The following SYT14 variants were observed in gnomAD, a reference collection of about 807,000 sequenced individuals.
SYT14 encodes synaptotagmin-14.
A neutral mutation model predicts 74.2 loss-of-function variants in SYT14; 32 were observed. The ratio of observed to expected loss-of-function variants is 0.43; its 90% CI spans 0.33 to 0.58. The LOEUF (loss-of-function observed/expected upper bound fraction) is 0.58, where lower values mean the gene tolerates loss of function less well. Among genes scored for constraint, SYT14 ranks in the 20% least tolerant of loss-of-function variants. The pLI is 0.05. For synonymous variants in SYT14, 298 were observed against 337.7 expected (o/e 0.88, Z 1.29); for missense variants, 791 against 981.8 (o/e 0.81, Z 2.60).
rs1430353630 is a variant in SYT14 at position 210,101,775 on chromosome 1, AG to A, written c.2034+1315del. Among the ~76,000 whole-genome samples, 5 of 152,240 alleles carry A rather than the reference AG, an allele frequency of 3.3e-5. No homozygotes were observed. The South Asian group carries it at 6.2e-4, about 19-fold the overall frequency. On this transcript the variant is annotated intron_variant, in intron 7 of 9. Coordinates refer to ENST00000637265, the Ensembl canonical transcript of SYT14. ...CTAAACTTCTTCATTATTTGGTCTG[AG>A]TGATCACTAGTTACTCTGTGGAAAA...
chr1:209,996,501 G>A (rs764477910), intron 2 of SYT14, among the ~76,000 whole-genome samples: 7 of 152,026 alleles, frequency 4.6e-5, no homozygotes, highest in Admixed American at 1.3e-4. Flanking sequence ...GGACCAGGTG[G>A]ATTCACAGCC....
intron 7 of SYT14, among the ~76,000 whole-genome samples, chr1:210,130,353 A>G (rs1171722962): frequency 6.6e-6 from 1 of 152,210 alleles, no homozygotes; most frequent in Non-Finnish European, 1.5e-5. Context: ...AGTCATTATG[A>G]CCATGAGAAA....
chr1:210,126,438 A>G (rs2082572436), intron 7 of SYT14, among the ~76,000 whole-genome samples: 1 of 152,028 alleles, frequency 6.6e-6, no homozygotes, highest in Non-Finnish European at 1.5e-5. Context: ...ATCTGTCTCC[A>G]CAGTCTGTTC....
intron 7 of SYT14, among the ~76,000 whole-genome samples, chr1:210,114,492 A>G (rs2484033): frequency 0.77 from 115,860 of 150,966 alleles, 45,109 homozygotes; most frequent in East Asian, 0.94. Flanking sequence ...TTTATTTAAT[A>G]TTGGGAGCAG....
chr1:210,110,255 TTAAAG>T (rs1175325276), intron 7 of SYT14, among the ~76,000 whole-genome samples: 1 of 152,076 alleles, frequency 6.6e-6, no homozygotes, highest in Non-Finnish European at 1.5e-5. Context: ...ATCCCAGAAC[TTAAAG>T]TATAATAAAA....
chr1:210,038,763 A>C (rs2080723995), intron 5 of SYT14, among the ~76,000 whole-genome samples: 1 of 152,078 alleles, frequency 6.6e-6, no homozygotes, highest in Non-Finnish European at 1.5e-5. Flanking sequence ...TTGCTTATAC[A>C]GTTTCTGCTG....
chr1:209,941,915 A>C (rs978522567), intron 1 of SYT14, among the ~76,000 whole-genome samples: 3 of 152,226 alleles, frequency 2.0e-5, no homozygotes, highest in Admixed American at 6.5e-5. Flanking sequence ...CCTCCCATAT[A>C]CTTTAAATCA....
intron 5 of SYT14, among the ~76,000 whole-genome samples, chr1:210,076,897 A>T (rs968365601): frequency 6.6e-6 from 1 of 152,168 alleles, no homozygotes; most frequent in African/African-American, 2.4e-5. Flanking sequence ...AACAATGGGG[A>T]TTACAATTCA....
intron 5 of SYT14, among the ~76,000 whole-genome samples, chr1:210,048,370 G>A (rs746177525): frequency 2.6e-5 from 4 of 152,094 alleles, no homozygotes; most frequent in Non-Finnish European, 5.9e-5. Flanking sequence ...AAGGTTTATT[G>A]GACTTACAGT....
chr1:210,064,893 G>A (rs548630173), intron 5 of SYT14, among the ~76,000 whole-genome samples: 63 of 152,004 alleles, frequency 4.1e-4, no homozygotes, highest in Non-Finnish European at 6.2e-4. Flanking sequence ...AATGCATGAG[G>A]GTTCCAATTC....
chr1:210,091,289 C>T (rs2081862144), intron 5 of SYT14, among the ~76,000 whole-genome samples: 1 of 152,160 alleles, frequency 6.6e-6, no homozygotes, highest in Admixed American at 6.6e-5. Context: ...GGTGTAACAT[C>T]ATTACCAAAC....
chr1:210,055,368 A>G (rs2081075469), intron 5 of SYT14, among the ~76,000 whole-genome samples: 1 of 152,220 alleles, frequency 6.6e-6, no homozygotes, highest in Admixed American at 6.5e-5. Context: ...CTTTATGTAT[A>G]AAATTAAATA....
At chr1:210,026,994 G>A (rs1265555541) in intron 5 of SYT14, among the ~76,000 whole-genome samples, 1 of 152,012 alleles carries the variant, frequency 6.6e-6, no homozygotes, top group African/African-American at 2.4e-5. Flanking sequence ...GAATAACCCA[G>A]GAGTTAGAGG....
chr1:210,002,924 G>C (rs946536666), intron 2 of SYT14, among the ~76,000 whole-genome samples: 2 of 151,982 alleles, frequency 1.3e-5, no homozygotes, highest in Non-Finnish European at 2.9e-5. Flanking sequence ...TTGATGATCA[G>C]AAATTTTAAA....
chr1:210,160,962 G>T lies in SYT14; in HGVS notation c.2515G>T (p.Glu839Ter). 6.2e-7 allele frequency: 1 copy of T among 1,614,016 alleles called. No homozygotes were observed. The highest frequency in any genetic ancestry group is 8.5e-7 in the Non-Finnish European group (1 of 1,179,888). ...TTTAGGTCTCAACAGCTCTGGAGAA[G>T]AAGAACTCAATCACTGGACTGAAAT... The change falls in exon 10 of 10, where the codon GAA becomes TAA. Residue 839 changes from glutamate (E) to a stop codon, truncating the protein, a stop_gained. Coordinates refer to ENST00000637265, the Ensembl canonical transcript of SYT14. LOFTEE classifies it high-confidence loss of function.
intron 2 of SYT14, among the ~76,000 whole-genome samples, chr1:209,992,584 T>A (rs925683853): frequency 1.3e-5 from 2 of 152,146 alleles, no homozygotes; most frequent in Admixed American, 6.5e-5. Flanking sequence ...ATGGGTACAG[T>A]GTATACTTAT....
In SYT14 at chr1:209,938,233, A is replaced by G. The variant is rs778013374; in HGVS notation, c.-578A>G. On this transcript the variant is annotated 5_prime_UTR_variant, in exon 1 of 10. Transcript: ENST00000637265. ...AGCCCTCGCGTCTGCTGCCCCCGCCATCCAGTTGGTGCGGTCCATGGCGAG... is the reference window on the plus strand; with the variant it reads ...AGCCCTCGCGTCTGCTGCCCCCGCCGTCCAGTTGGTGCGGTCCATGGCGAG... The G allele has an allele frequency of 2.3e-5, 36 of 1,533,144 alleles. No homozygotes were observed. In the South Asian group the frequency reaches 4.0e-4, roughly 17 times the overall value. 95.0% of individuals were successfully genotyped at this position (1,533,144 alleles called of 1,614,324 possible). A position where few individuals can be genotyped will look rare whatever the true frequency, so the allele number is the denominator to read the frequency against.
intron 7 of SYT14, among the ~76,000 whole-genome samples, chr1:210,134,847 C>T (rs2082749450): frequency 6.6e-6 from 1 of 152,152 alleles, no homozygotes; most frequent in African/African-American, 2.4e-5. Flanking sequence ...AACCTTTTGC[C>T]AGTACTTCTT....
intron 2 of SYT14, among the ~76,000 whole-genome samples, chr1:210,005,652 G>A (rs2079976149): frequency 1.3e-5 from 2 of 151,808 alleles, no homozygotes; most frequent in Non-Finnish European, 3.0e-5. Context: ...AGGGAGATTT[G>A]CCAGGAAAAT....
Sources: gnomAD v4.1 joint callset for allele counts (sites outside exome capture counted in the v4.1 genomes callset) on GRCh38, gnomAD v4.1.1 for gene constraint, MANE v1.5 for transcripts, NCBI Gene and HGNC (gene_info 2026-07-23, HGNC 2026-07-21) for gene names.